SULF1: variants seen among roughly 807,000 people sequenced by gnomAD.
SULF1 encodes the protein sulfatase 1, also known as extracellular sulfatase Sulf-1.
Under a neutral mutation model 110.5 loss-of-function variants are expected in SULF1, and 46 were observed. That is an observed-to-expected ratio of 0.42 (90% CI 0.33 to 0.53). The LOEUF (loss-of-function observed/expected upper bound fraction) is 0.53. SULF1 is among the 20% of genes least tolerant of loss of function. The pLI, the probability that SULF1 is intolerant of heterozygous loss-of-function variation, is 0.12. For missense variants in SULF1, 941 were observed against 1,094.2 expected (o/e 0.86, Z 1.98); for synonymous variants, 371 against 387.1 (o/e 0.96, Z 0.49).
At chr8:69,649,844 T>G (rs1812192931) in intron 22 of SULF1, among the ~76,000 whole-genome samples, 1 of 152,120 alleles carries the variant, frequency 6.6e-6, no homozygotes. Flanking sequence ...TTTTTTTCTT[T>G]TTTAATTAAT....
At chr8:69,476,579 C>T (rs1395668158) in intron 1 of SULF1, among the ~76,000 whole-genome samples, 1 of 152,194 alleles carries the variant, frequency 6.6e-6, no homozygotes, top group Non-Finnish European at 1.5e-5. Flanking sequence ...GGAGACTTGA[C>T]AGCATTTTCG....
Position 69,576,024 on chromosome 8 carries a change from C to T in SULF1, c.227C>T (p.Thr76Ile). Residue 76 changes from threonine (T) to isoleucine (I), a missense_variant, in exon 6 of 23, where the codon ACC (threonine) becomes ATC (isoleucine). By Grantham distance (89) the Thr-to-Ile change is moderately conservative. Transcript: ENST00000402687. ...TRKIMEHGGA[T>I]FINAFVTTPM... is the part of the protein sequence containing the mutation. ...AAGATTATGGAACATGGGGGGGCCA[C>T]CTTCATCAATGCCTTTGTGACTACA... is the stretch of plus-strand genomic sequence containing the variant. The T allele has an allele frequency of 6.2e-7, 1 of 1,614,142 alleles. No homozygotes were observed. The highest frequency in any genetic ancestry group is 1.1e-5 in the South Asian group (1 of 91,076).
intron 1 of SULF1, among the ~76,000 whole-genome samples, chr8:69,480,970 T>C (rs1809495717): frequency 6.6e-6 from 1 of 151,876 alleles, no homozygotes; most frequent in South Asian, 2.1e-4. Flanking sequence ...CACACCAGCA[T>C]GGCACATGTA....
At chr8:69,507,384 T>C (rs752776479) in intron 3 of SULF1, among the ~76,000 whole-genome samples, 7 of 152,214 alleles carry the variant, frequency 4.6e-5, no homozygotes, top group Non-Finnish European at 1.0e-4. Flanking sequence ...ATTTGATCTA[T>C]GTTGATCTTG....
At chr8:69,613,302 G>GTTTTT (rs368550157) in intron 13 of SULF1, among the ~76,000 whole-genome samples, 1 of 111,160 alleles carries the variant, frequency 9.0e-6, no homozygotes, top group Non-Finnish European at 1.8e-5. Flanking sequence ...TACAGATTTG[G>GTTTTT]TTTTTTTTTT....
At chr8:69,606,648 C>T (rs1376365583) in intron 13 of SULF1, among the ~76,000 whole-genome samples, 1 of 152,072 alleles carries the variant, frequency 6.6e-6, no homozygotes, top group East Asian at 1.9e-4. Context: ...TAATATATGT[C>T]CTAAAGGGCA....
At chr8:69,622,439 G>C (rs576768967) in intron 14 of SULF1, among the ~76,000 whole-genome samples, 1 of 152,020 alleles carries the variant, frequency 6.6e-6, no homozygotes, top group Non-Finnish European at 1.5e-5. Context: ...AAAATTAGCT[G>C]GGCATGGTGG....
chr8:69,509,049 T>C (rs1328359524), intron 3 of SULF1, among the ~76,000 whole-genome samples: 2 of 152,252 alleles, frequency 1.3e-5, no homozygotes, highest in Non-Finnish European at 2.9e-5. Flanking sequence ...AATTAGAATG[T>C]ACTTGTCCCA....
At chr8:69,641,421 G>A (rs1020454505) in intron 22 of SULF1, among the ~76,000 whole-genome samples, 4 of 152,136 alleles carry the variant, frequency 2.6e-5, no homozygotes, top group African/African-American at 9.7e-5. Context: ...AGAAGGTGCT[G>A]GGAGTTGGGG....
chr8:69,617,408 TA>T lies in SULF1; in HGVS notation c.1378-3626del, dbSNP rs1563592191. Among the ~76,000 whole-genome samples the T allele has an allele frequency of 2.7e-4, 22 of 81,492 alleles. 1 individual carries two copies. The highest frequency in any genetic ancestry group is 1.1e-3 in the African/African-American group (19 of 16,626). 53.5% of individuals were successfully genotyped at this position (81,492 alleles called of 152,430 possible). On this transcript the variant is annotated intron_variant, in intron 13 of 22. Coordinates refer to ENST00000402687, the MANE Select transcript of SULF1 (RefSeq NM_001128205.2). Reference sequence around the variant, plus strand: ...ATATATATATATATATATATATATATATATATATATATATATATATATATAT... The same window carrying T: ...ATATATATATATATATATATATATATTATATATATATATATATATATATAT...
rs1046806567 is a variant in SULF1 at position 69,519,803 on chromosome 8, G to A, written c.-134+17835G>A. 2.6e-5 allele frequency among the ~76,000 whole-genome samples: 4 copies of A among 152,228 alleles called. No individual in the cohort carries two copies. The South Asian group carries it at 8.3e-4, about 32-fold the overall frequency. On this transcript the variant is annotated intron_variant, in intron 3 of 22. Coordinates refer to ENST00000402687, the MANE Select transcript of SULF1 (RefSeq NM_001128205.2). Reference sequence around the variant, plus strand: ...TTTAATTTAAATAGCAAGATGCATTGAGTTGGTCTTTTAAAAGTCTATGCA... The same window carrying A: ...TTTAATTTAAATAGCAAGATGCATTAAGTTGGTCTTTTAAAAGTCTATGCA...
chr8:69,639,294 A>G lies in SULF1; in HGVS notation c.2551+436A>G, dbSNP rs112970789. Among the ~76,000 whole-genome samples the G allele has an allele frequency of 1.3e-3, 198 of 152,316 alleles. 1 individual carries two copies. The highest frequency in any genetic ancestry group is 2.5e-3 in the Non-Finnish European group (168 of 68,028). On this transcript the variant is annotated intron_variant, in intron 21 of 22. Coordinates refer to ENST00000402687, the MANE Select transcript of SULF1 (RefSeq NM_001128205.2). ...TGCTGTCCCAGTTTGGAGTTCCCCC[A>G]GTTGGATCCCTGCCTATGACACTGA... is the stretch of plus-strand genomic sequence containing the variant.
At chr8:69,583,288 G>T (rs1486449358) in intron 6 of SULF1, among the ~76,000 whole-genome samples, 3 of 152,050 alleles carry the variant, frequency 2.0e-5, no homozygotes, top group Non-Finnish European at 4.4e-5. Flanking sequence ...ATTTGATTGG[G>T]CGCAGCGCCT....
chr8:69,580,068 A>G (rs1464409942), intron 6 of SULF1, among the ~76,000 whole-genome samples: 1 of 152,186 alleles, frequency 6.6e-6, no homozygotes, highest in Non-Finnish European at 1.5e-5. Context: ...AATTAATCCA[A>G]TATTATATTT....
At chr8:69,626,739 C>T (rs901354599) in intron 15 of SULF1, among the ~76,000 whole-genome samples, 7 of 152,244 alleles carry the variant, frequency 4.6e-5, no homozygotes, top group Admixed American at 2.0e-4. Flanking sequence ...CTGCCCGGGG[C>T]CGCAAGGGCC....
At chr8:69,638,073 CAT>C (rs1811191110) in intron 19 of SULF1, 1 of 172,666 alleles carries the variant, frequency 5.8e-6, no homozygotes, top group Non-Finnish European at 1.2e-5. Context: ...TCATTGGTGA[CAT>C]GTGGCCATCT....
chr8:69,508,092 G>A (rs1223502498), intron 3 of SULF1, among the ~76,000 whole-genome samples: 1 of 150,074 alleles, frequency 6.7e-6, no homozygotes, highest in East Asian at 2.0e-4. Flanking sequence ...TGGGGTTTTT[G>A]AGAGAAGATA....
chr8:69,599,176 G>A (rs1807581694), intron 8 of SULF1, among the ~76,000 whole-genome samples: 1 of 152,156 alleles, frequency 6.6e-6, no homozygotes, highest in Non-Finnish European at 1.5e-5. Flanking sequence ...AACTCACAGT[G>A]ACTGATTCTT....
chr8:69,514,559 T>C (rs1164541880), intron 3 of SULF1, among the ~76,000 whole-genome samples: 1 of 152,200 alleles, frequency 6.6e-6, no homozygotes, highest in Non-Finnish European at 1.5e-5. Context: ...CATGTCCTTG[T>C]CACATTTCAA....
Sources: gnomAD v4.1 joint callset for allele counts (sites outside exome capture counted in the v4.1 genomes callset) on GRCh38, gnomAD v4.1.1 for gene constraint, MANE v1.5 for transcripts, NCBI Gene and HGNC (gene_info 2026-07-23, HGNC 2026-07-21) for gene names.